Variants in ELOVL5 observed in about 807,000 individuals in gnomAD.
The protein encoded by ELOVL5 is very long chain fatty acid elongase 5.
A neutral mutation model predicts 38.6 loss-of-function variants in ELOVL5; 8 were observed. That is an observed-to-expected ratio of 0.21 (90% CI 0.12 to 0.37). The LOEUF (loss-of-function observed/expected upper bound fraction) is 0.37. Among genes scored for constraint, ELOVL5 ranks in the 10% least tolerant of loss-of-function variants. The probability of loss-of-function intolerance (pLI) is 1.00; values close to 1 mark genes in which losing one functional copy is unlikely to be tolerated. For missense variants in ELOVL5, 280 were observed against 367.8 expected, an observed-to-expected ratio of 0.76 and a Z score of 1.95; for synonymous variants, 127 against 133.7, an observed-to-expected ratio of 0.95 and a Z score of 0.34.
chr6:53,304,120 T>C (rs988051773), intron 1 of ELOVL5, among the ~76,000 whole-genome samples: 61 of 152,226 alleles, frequency 4.0e-4, no homozygotes, highest in African/African-American at 1.4e-3. Flanking sequence ...AGTACTCCAA[T>C]CTGTCCTATG....
intron 3 of ELOVL5, among the ~76,000 whole-genome samples, chr6:53,289,706 G>A (rs931256984): frequency 6.6e-6 from 1 of 152,212 alleles, no homozygotes; most frequent in Non-Finnish European, 1.5e-5. Context: ...GGCGACAAGA[G>A]TGAAACTGTC....
chr6:53,291,686 C>G, intron 3 of ELOVL5, 90 bp downstream of exon 3: 1 of 1,057,994 alleles, frequency 9.5e-7, no homozygotes, highest in Non-Finnish European at 1.3e-6. Flanking sequence ...ACACCCCAAG[C>G]GGCCACCTTT....
intron 5 of ELOVL5, among the ~76,000 whole-genome samples, chr6:53,274,722 G>A (rs1302873369): frequency 6.6e-6 from 1 of 152,184 alleles, no homozygotes; most frequent in African/African-American, 2.4e-5. Flanking sequence ...AATGAGCCTT[G>A]CTCCCTGGTA....
chr6:53,316,912 G>A (rs1364799008), intron 1 of ELOVL5, among the ~76,000 whole-genome samples: 3 of 152,126 alleles, frequency 2.0e-5, no homozygotes, highest in African/African-American at 7.2e-5. Flanking sequence ...TAACCTGTTC[G>A]ATTAGGAGGC....
At chr6:53,283,076 A>G (rs1297381208) in intron 3 of ELOVL5, among the ~76,000 whole-genome samples, 1 of 152,224 alleles carries the variant, frequency 6.6e-6, no homozygotes, top group Non-Finnish European at 1.5e-5. Context: ...TTTCAAAACA[A>G]ATTCAAAGGA....
intron 3 of ELOVL5, among the ~76,000 whole-genome samples, chr6:53,282,336 C>A (rs1173232436): frequency 2.6e-5 from 4 of 152,248 alleles, no homozygotes; most frequent in East Asian, 3.8e-4. Flanking sequence ...CTCCTAGCTA[C>A]ACCAGCTGCA....
chr6:53,317,898 T>C (rs973991528), intron 1 of ELOVL5, among the ~76,000 whole-genome samples: 1 of 151,842 alleles, frequency 6.6e-6, no homozygotes, highest in Non-Finnish European at 1.5e-5. Context: ...ATGATGGATT[T>C]TTCCCCCTTA....
chr6:53,287,651 G>C (rs1766621975), intron 3 of ELOVL5, among the ~76,000 whole-genome samples: 1 of 152,224 alleles, frequency 6.6e-6, no homozygotes, highest in African/African-American at 2.4e-5. Context: ...CCTCAAAAGT[G>C]AGAGGGAGAC....
At chr6:53,295,800 T>C (rs906140907) in intron 1 of ELOVL5, 93 bp from the exon 2 acceptor site, 4 of 781,726 alleles carry the variant, frequency 5.1e-6, no homozygotes, top group African/African-American at 1.8e-5. Flanking sequence ...TTTCAAAGAA[T>C]ATGCTACAGA....
At chr6:53,286,313 G>GC (rs1350689437) in intron 3 of ELOVL5, among the ~76,000 whole-genome samples, 1 of 152,134 alleles carries the variant, frequency 6.6e-6, no homozygotes, top group Non-Finnish European at 1.5e-5. Flanking sequence ...TGTAATCCTA[G>GC]CACTTTGGGA....
At chr6:53,330,829 T>TC (rs1561891031) in intron 1 of ELOVL5, among the ~76,000 whole-genome samples, 2 of 151,668 alleles carry the variant, frequency 1.3e-5, no homozygotes, top group Non-Finnish European at 2.9e-5. Flanking sequence ...ACTTTTTTTT[T>TC]CCTTAAACAC....
At chr6:53,344,911 T>C (rs1347102568) in intron 1 of ELOVL5, among the ~76,000 whole-genome samples, 1 of 152,234 alleles carries the variant, frequency 6.6e-6, no homozygotes, top group Non-Finnish European at 1.5e-5. Flanking sequence ...TAAGGCTAAA[T>C]TCTAATTTTA....
chr6:53,275,394 T>TGTCC (rs1176468437), intron 4 of ELOVL5, 133 bp from the exon 5 acceptor site: 4 of 787,208 alleles, frequency 5.1e-6, no homozygotes, highest in Non-Finnish European at 8.2e-6. Context: ...GAGCTCTTAA[T>TGTCC]GTCCATCAGT....
chr6:53,270,739 G>C lies in ELOVL5; in HGVS notation c.622-12C>G. ...AGCACAAACTGAAGCTAGGGGAACA[G>C]AGGGGATGCAGCTGAACAGGGACAG... On this transcript the variant is annotated splice_polypyrimidine_tract_variant and intron_variant, in intron 6 of 7. Transcript: ENST00000304434. The C allele has an allele frequency of 6.2e-7, 1 of 1,614,146 alleles. No individual in the cohort carries two copies. Among genetic ancestry groups the C allele is most frequent in the East Asian group, 2.2e-5 (1 of 44,886 alleles).
intron 1 of ELOVL5, among the ~76,000 whole-genome samples, chr6:53,307,397 A>G (rs1767623798): frequency 6.6e-6 from 1 of 152,250 alleles, no homozygotes; most frequent in African/African-American, 2.4e-5. Context: ...GAGGGTAATT[A>G]CATTAACTTC....
At chr6:53,276,007 C>T (rs1033087936) in intron 4 of ELOVL5, among the ~76,000 whole-genome samples, 172 bp downstream of exon 4, 3 of 152,122 alleles carry the variant, frequency 2.0e-5, no homozygotes, top group African/African-American at 7.2e-5. Flanking sequence ...TATTTTATAC[C>T]TTTCACATTC....
chr6:53,281,768 C>T (rs1028198535), intron 3 of ELOVL5, among the ~76,000 whole-genome samples: 1 of 151,798 alleles, frequency 6.6e-6, no homozygotes, highest in Non-Finnish European at 1.5e-5. Context: ...TCTTTCATGT[C>T]CAGAGCATAA....
intron 1 of ELOVL5, among the ~76,000 whole-genome samples, chr6:53,321,033 T>C (rs958603555): frequency 7.2e-5 from 11 of 152,142 alleles, no homozygotes; most frequent in Admixed American, 3.3e-4. Context: ...AACAGCCAAC[T>C]GAATCCTTCC....
intron 1 of ELOVL5, among the ~76,000 whole-genome samples, chr6:53,306,806 T>G (rs1767599175): frequency 1.3e-5 from 2 of 152,232 alleles, no homozygotes; most frequent in Admixed American, 6.5e-5. Context: ...TGATAACTTT[T>G]AATTGAGTGA....
Sources: allele counts gnomAD v4.1 joint callset (sites outside exome capture counted in the v4.1 genomes callset), GRCh38; gene constraint gnomAD v4.1.1; transcripts MANE v1.5; gene names NCBI Gene and HGNC (gene_info 2026-07-23, HGNC 2026-07-21).